Variants in MPDZ observed in about 807,000 individuals in gnomAD.
The protein encoded by MPDZ is multiple PDZ domain crumbs cell polarity complex component.
Under a neutral mutation model 239.1 loss-of-function variants are expected in MPDZ, and 234 were observed. The observed-to-expected ratio is 0.98, with a 90% confidence interval of 0.88 to 1.09. The LOEUF (loss-of-function observed/expected upper bound fraction) is 1.09. Ranked by LOEUF, MPDZ falls within the 50% of genes least tolerant of loss-of-function variation. The pLI is 0.00. For missense variants in MPDZ, 3,175 were observed against 2,510.0 expected (o/e 1.26, Z -5.66); for synonymous variants, 1,048 against 881.3 (o/e 1.19, Z -3.35).
chr9:13,276,403 T>C (rs1162247937), intron 1 of MPDZ, among the ~76,000 whole-genome samples: 2 of 152,200 alleles, frequency 1.3e-5, no homozygotes. Flanking sequence ...CTTATATAAA[T>C]GCTCTCCTAT....
intron 35 of MPDZ, among the ~76,000 whole-genome samples, chr9:13,124,559 T>C (rs1944843419): frequency 6.6e-6 from 1 of 152,188 alleles, no homozygotes; most frequent in Non-Finnish European, 1.5e-5. Flanking sequence ...TCTCAAAAAG[T>C]AACTCAAAGG....
At chr9:13,278,120 A>G (rs890769711) in intron 1 of MPDZ, among the ~76,000 whole-genome samples, 2 of 152,222 alleles carry the variant, frequency 1.3e-5, no homozygotes, top group African/African-American at 4.8e-5. Context: ...GGATGTTTAC[A>G]TCAAACTGTC....
chr9:13,112,421 A>G (rs1224628102), intron 42 of MPDZ, among the ~76,000 whole-genome samples: 1 of 152,198 alleles, frequency 6.6e-6, no homozygotes, highest in African/African-American at 2.4e-5. Flanking sequence ...ATGAAGTGAA[A>G]AGACCACACT....
chr9:13,220,909 T>TA (rs1444875421), intron 7 of MPDZ, among the ~76,000 whole-genome samples: 1 of 151,984 alleles, frequency 6.6e-6, no homozygotes, highest in East Asian at 1.9e-4. Flanking sequence ...ACTCAAGTGA[T>TA]AAAAAACAGG....
chr9:13,212,949 T>C (rs1024338881), intron 10 of MPDZ, among the ~76,000 whole-genome samples: 8 of 151,974 alleles, frequency 5.3e-5, no homozygotes, highest in African/African-American at 1.9e-4. Flanking sequence ...TGCCAGGGCC[T>C]CCTCCAACAT....
At chr9:13,215,588 C>A (rs975077079) in intron 10 of MPDZ, among the ~76,000 whole-genome samples, 4 of 151,416 alleles carry the variant, frequency 2.6e-5, no homozygotes, top group African/African-American at 9.7e-5. Context: ...TCTAAGGGAA[C>A]AACAGAAACT....
chr9:13,278,879 C>T (rs2139660806), intron 1 of MPDZ, among the ~76,000 whole-genome samples: 1 of 152,106 alleles, frequency 6.6e-6, no homozygotes, highest in East Asian at 2.0e-4. Flanking sequence ...GATGGGGCGT[C>T]CGGGAGCGGC....
Position 13,186,370 on chromosome 9 carries a change from C to T in MPDZ, c.2381G>A (p.Gly794Asp), listed in dbSNP as rs1011687560. 5.1e-6 allele frequency: 8 copies of T among 1,577,632 alleles called. No individual in the cohort carries two copies. In the Admixed American group the frequency reaches 1.4e-4, roughly 29 times the overall value. Reference sequence around the variant, plus strand: ...GGAATCCTCCTTAGCAGAAACATAACCTTCTTCTGGTGAAAGCTGCAGGGA... The same window carrying T: ...GGAATCCTCCTTAGCAGAAACATAATCTTCTTCTGGTGAAAGCTGCAGGGA... ...AKPLPLSPEE[G>D]YVSAKEDSFL... The change falls in exon 18 of 47, where the codon GGT becomes GAT. Residue 794 changes from glycine (G) to aspartate (D), a missense_variant. Physicochemically the swap from Gly to Asp is moderately conservative, Grantham distance 94. Transcript: ENST00000319217.
chr9:13,256,015 C>A (rs1969343674), intron 1 of MPDZ, among the ~76,000 whole-genome samples: 1 of 152,268 alleles, frequency 6.6e-6, no homozygotes, highest in Middle Eastern at 3.4e-3. Context: ...TTTAGTGCAG[C>A]CACCTTCATT....
chr9:13,125,041 C>T (rs1433331075), intron 35 of MPDZ, among the ~76,000 whole-genome samples, 175 bp downstream of exon 35: 1 of 152,062 alleles, frequency 6.6e-6, no homozygotes, highest in Non-Finnish European at 1.5e-5. Flanking sequence ...GCCTAACAGT[C>T]CAGTACTCTT....
intron 6 of MPDZ, 69 bp from the exon 7 acceptor site, chr9:13,221,569 A>C: frequency 4.6e-6 from 7 of 1,519,208 alleles, no homozygotes; most frequent in Non-Finnish European, 6.2e-6. Flanking sequence ...TTACAGTAGA[A>C]ATTTTTGCGA....
intron 23 of MPDZ, among the ~76,000 whole-genome samples, chr9:13,160,870 A>ATATATATATATATATATAT (rs1554669677): frequency 3.9e-5 from 5 of 127,730 alleles, no homozygotes; most frequent in Admixed American, 7.9e-5. Context: ...ATATATATAT[A>ATATATATATATATATATAT]AAACAGGTAC....
chr9:13,105,914 GT>G lies in MPDZ; in HGVS notation c.*1050del, dbSNP rs1941404121. On this transcript the variant is annotated 3_prime_UTR_variant, in exon 47 of 47. Transcript: ENST00000319217. ...GTTGTCTCAATAAACAGCTCCATCT[GT>G]TTCCCTTAGTCTTAAACTATTGTAT... The G allele has an allele frequency of 6.6e-6, 1 of 152,076 alleles. No homozygotes were observed. Among genetic ancestry groups the G allele is most frequent in the African/African-American group, 2.4e-5 (1 of 41,400 alleles). The allele number at this position is 152,076 out of a possible 1,614,324, so 9.4% of individuals were successfully genotyped here. A position where few individuals can be genotyped will look rare whatever the true frequency, so the allele number is the denominator to read the frequency against.
At chr9:13,197,015 A>T (rs1955733083) in intron 12 of MPDZ, among the ~76,000 whole-genome samples, 1 of 151,936 alleles carries the variant, frequency 6.6e-6, no homozygotes, top group South Asian at 2.1e-4. Flanking sequence ...AAAAAATGTT[A>T]AAAAATTCAG....
intron 3 of MPDZ, among the ~76,000 whole-genome samples, chr9:13,226,432 C>A (rs1431004441): frequency 2.0e-5 from 3 of 152,012 alleles, no homozygotes; most frequent in Non-Finnish European, 4.4e-5. Flanking sequence ...ACTCTCTGAC[C>A]TCATCTCCTA....
At position 13,205,073 on chromosome 9, in the gene MPDZ, C is replaced by T. The variant is rs1029389610; in HGVS notation, c.1509G>A (p.Ser503=). 1.3e-5 allele frequency: 19 copies of T among 1,457,634 alleles called. No individual in the cohort carries two copies. The highest frequency in any genetic ancestry group is 2.9e-5 in the Admixed American group (1 of 33,924). The allele number at this position is 1,457,634 out of a possible 1,614,324, so 90.3% of individuals were successfully genotyped here. A position where few individuals can be genotyped will look rare whatever the true frequency, so the allele number is the denominator to read the frequency against. Residue 503 remains serine (S), a synonymous_variant, in exon 12 of 47, where the codon TCG becomes TCA. Transcript: ENST00000319217. ...TTGGTAATATGTTGGTGTTTCTCGT[C>T]GAAGATAAAAAATCTTCATCTTTTT... ...NYEKDEDFLS[S]TRNTNILPTE...
chr9:13,140,781 CAAAG>C (rs1473878541), intron 27 of MPDZ: 1 of 151,826 alleles, frequency 6.6e-6, no homozygotes, highest in Non-Finnish European at 1.5e-5. Context: ...AAAAAATTAA[CAAAG>C]AAGTTGCCCT....
Position 13,193,321 on chromosome 9 carries a change from G to GAA in MPDZ, c.1657-10_1657-9dup. 6.0e-5 allele frequency: 73 copies of GAA among 1,213,170 alleles called. No homozygotes were observed. The highest frequency in any genetic ancestry group is 4.3e-4 in the Middle Eastern group (2 of 4,648). The allele number at this position is 1,213,170 out of a possible 1,614,324, so 75.2% of individuals were successfully genotyped here. On this transcript the variant is annotated splice_polypyrimidine_tract_variant and intron_variant, in intron 13 of 46. Coordinates refer to ENST00000319217, the MANE Select transcript of MPDZ (RefSeq NM_001378778.1). ...CTTGCTCACATGGGCCACCTGAAAAGAAAAAAAAAAAGATCACCACAATTT... is the reference window on the plus strand; with the variant it reads ...CTTGCTCACATGGGCCACCTGAAAAGAAAAAAAAAAAAAGATCACCACAATTT...
intron 34 of MPDZ, 92 bp from the exon 35 acceptor site, chr9:13,125,482 T>C (rs1944977434): frequency 8.4e-7 from 1 of 1,196,372 alleles, no homozygotes; most frequent in Admixed American, 2.1e-5. Flanking sequence ...AATCTAATTC[T>C]CTCTATGGTT....
Sources: allele counts gnomAD v4.1 joint callset (sites outside exome capture counted in the v4.1 genomes callset), GRCh38; gene constraint gnomAD v4.1.1; transcripts MANE v1.5; gene names NCBI Gene and HGNC (gene_info 2026-07-23, HGNC 2026-07-21).